KIF6: variants seen among roughly 807,000 people sequenced by gnomAD.
The protein encoded by KIF6 is kinesin-like protein KIF6.
In KIF6, 106 loss-of-function variants were observed where a neutral mutation model predicts 112.7. That is an observed-to-expected ratio of 0.94 (90% CI 0.80 to 1.11). The LOEUF (loss-of-function observed/expected upper bound fraction) is 1.11. Among genes scored for constraint, KIF6 ranks in the 50% least tolerant of loss-of-function variants. KIF6 has a pLI of 0.00. For missense variants in KIF6, 929 were observed against 964.0 expected, an observed-to-expected ratio of 0.96 and a Z score of 0.48; for synonymous variants, 339 against 339.9, an observed-to-expected ratio of 1.00 and a Z score of 0.03.
At position 39,336,336 on chromosome 6, in the gene KIF6, GC is replaced by G; in HGVS notation, c.*195del. ...AACCACAGGAAGGATGTTGTGGTCA[GC>G]CCCAGCCCCAGCCTCTCGGTGGCCT... On this transcript the variant is annotated 3_prime_UTR_variant, in exon 23 of 23. Coordinates refer to ENST00000287152, the MANE Select transcript of KIF6 (RefSeq NM_145027.6). The G allele has an allele frequency of 1.7e-6, 1 of 594,542 alleles. No homozygotes were observed. The highest frequency in any genetic ancestry group is 3.0e-6 in the Non-Finnish European group (1 of 334,342). The allele number at this position is 594,542 out of a possible 1,614,324, so 36.8% of individuals were successfully genotyped here. A position where few individuals can be genotyped will look rare whatever the true frequency, so the allele number is the denominator to read the frequency against.
intron 6 of KIF6, among the ~76,000 whole-genome samples, chr6:39,600,621 CCA>C (rs1306987641): frequency 1.3e-5 from 2 of 152,140 alleles, no homozygotes; most frequent in African/African-American, 2.4e-5. Context: ...CAAATACTCT[CCA>C]GTCACTTTCT....
At chr6:39,538,356 A>C (rs894471481) in intron 13 of KIF6, among the ~76,000 whole-genome samples, 16 of 152,020 alleles carry the variant, frequency 1.1e-4, no homozygotes, top group Admixed American at 7.9e-4. Flanking sequence ...CAATGAACTC[A>C]AACAAATTTA....
intron 3 of KIF6, chr6:39,690,224 G>A (rs976868467): frequency 2.6e-5 from 4 of 151,986 alleles, no homozygotes; most frequent in Admixed American, 1.3e-4. Flanking sequence ...AAAACTTCCC[G>A]AAGGGAGTTT....
intron 10 of KIF6, among the ~76,000 whole-genome samples, chr6:39,558,208 C>T (rs969713945): frequency 1.3e-5 from 2 of 152,082 alleles, no homozygotes; most frequent in East Asian, 1.9e-4. Context: ...AAAGCTGTTC[C>T]TTCTGTTGCT....
chr6:39,357,638 G>A (rs1269084894), intron 18 of KIF6, among the ~76,000 whole-genome samples: 1 of 151,870 alleles, frequency 6.6e-6, no homozygotes, highest in Non-Finnish European at 1.5e-5. Context: ...TAGTAGAGAC[G>A]GTGTTTTGCC....
rs543753882 is a variant in KIF6 at position 39,540,080 on chromosome 6, C to T, written c.1568G>A (p.Arg523Gln). ...GGCCTGTGAGGGAGCTGAGGATAGT[C>T]GCATTCTTTGACCTTCTTCTGGGTT... ...LGNPEEGQRMRLSSAPSQAQD... is the reference protein window; with the variant it reads ...LGNPEEGQRMQLSSAPSQAQD... The change falls in exon 13 of 23, where the codon CGA (arginine) becomes CAA (glutamine). Residue 523 changes from arginine (R) to glutamine (Q), a missense_variant. Physicochemically the swap from Arg to Gln is conservative, Grantham distance 43. This residue lies in a region of KIF6 where 688 missense variants were observed against 662.7 expected (regional missense o/e 1.04). Coordinates refer to ENST00000287152, the MANE Select transcript of KIF6 (RefSeq NM_145027.6). The T allele has an allele frequency of 5.3e-5, 85 of 1,614,138 alleles. 1 individual carries two copies. In the South Asian group the frequency reaches 5.9e-4, roughly 11 times the overall value.
intron 13 of KIF6, chr6:39,431,433 T>C: frequency 8.9e-6 from 3 of 337,082 alleles, no homozygotes. Context: ...TCGGGGGAAA[T>C]GAAAACCACA....
intron 5 of KIF6, among the ~76,000 whole-genome samples, chr6:39,627,722 C>T (rs1045710772): frequency 2.6e-5 from 4 of 152,100 alleles, no homozygotes; most frequent in African/African-American, 9.7e-5. Context: ...TTACTGGTTC[C>T]TTTTTATAGT....
At chr6:39,505,777 GA>G (rs1358623669) in intron 13 of KIF6, among the ~76,000 whole-genome samples, 1 of 152,194 alleles carries the variant, frequency 6.6e-6, no homozygotes, top group African/African-American at 2.4e-5. Flanking sequence ...GATTATTAGA[GA>G]AATGCAGATC....
chr6:39,382,516 C>T (rs557787446), intron 16 of KIF6, among the ~76,000 whole-genome samples: 4 of 151,994 alleles, frequency 2.6e-5, no homozygotes, highest in East Asian at 1.9e-4. Flanking sequence ...TTTTTATGGC[C>T]GTGTAGTGTT....
chr6:39,612,721 C>T (rs189364894), intron 6 of KIF6, among the ~76,000 whole-genome samples: 2 of 152,184 alleles, frequency 1.3e-5, no homozygotes, highest in South Asian at 2.1e-4. Context: ...ACATATTAAC[C>T]CACTAACTAA....
At chr6:39,539,220 T>C (rs555789398) in intron 13 of KIF6, among the ~76,000 whole-genome samples, 17 of 150,866 alleles carry the variant, frequency 1.1e-4, no homozygotes, top group South Asian at 4.2e-4. Context: ...AGTATAATAA[T>C]AATAAAATAA....
intron 3 of KIF6, among the ~76,000 whole-genome samples, chr6:39,658,837 T>C (rs1785959375): frequency 6.6e-6 from 1 of 152,196 alleles, no homozygotes; most frequent in Non-Finnish European, 1.5e-5. Context: ...TGGCTCCTAC[T>C]TGAATGCACA....
chr6:39,504,167 T>C (rs1299829042), intron 13 of KIF6, among the ~76,000 whole-genome samples: 1 of 152,218 alleles, frequency 6.6e-6, no homozygotes, highest in Non-Finnish European at 1.5e-5. Flanking sequence ...CATGATCAAG[T>C]AGGCTTCATC....
intron 14 of KIF6, among the ~76,000 whole-genome samples, chr6:39,427,829 A>C (rs778539863): frequency 6.6e-6 from 1 of 152,206 alleles, no homozygotes; most frequent in Non-Finnish European, 1.5e-5. Flanking sequence ...AGTGAGCTCT[A>C]TATTAGAAGG....
At chr6:39,481,095 G>T (rs1774767653) in intron 13 of KIF6, among the ~76,000 whole-genome samples, 1 of 151,974 alleles carries the variant, frequency 6.6e-6, no homozygotes, top group East Asian at 1.9e-4. Context: ...ATATTTAAGT[G>T]AGAAAACCAA....
At chr6:39,692,450 A>G (rs536885478) in intron 3 of KIF6, among the ~76,000 whole-genome samples, 11 of 152,256 alleles carry the variant, frequency 7.2e-5, no homozygotes, top group Non-Finnish European at 1.2e-4. Context: ...CATGATGGTC[A>G]CATGGAGACA....
intron 13 of KIF6, among the ~76,000 whole-genome samples, chr6:39,536,291 G>A (rs1778420402): frequency 1.3e-5 from 2 of 151,450 alleles, no homozygotes; most frequent in Non-Finnish European, 2.9e-5. Context: ...TTTTTTTAAA[G>A]GATCAACAAA....
At chr6:39,583,774 T>G (rs937412148) in intron 9 of KIF6, among the ~76,000 whole-genome samples, 1 of 148,766 alleles carries the variant, frequency 6.7e-6, no homozygotes, top group African/African-American at 2.5e-5. Flanking sequence ...ACTGAGTGAT[T>G]TGAAAAATGA....
Sources: allele counts gnomAD v4.1 joint callset (sites outside exome capture counted in the v4.1 genomes callset), GRCh38; gene constraint gnomAD v4.1.1; regional missense constraint gnomAD v4.1.1; transcripts MANE v1.5; gene names NCBI Gene and HGNC (gene_info 2026-07-23, HGNC 2026-07-21).